The following CERK variants were observed in gnomAD, a reference collection of about 807,000 sequenced individuals.
The protein encoded by CERK is ceramide kinase, also known as acylsphingosine kinase.
CERK carries 39 observed loss-of-function variants against 63.4 expected under a neutral mutation model. That is an observed-to-expected ratio of 0.61 (90% CI 0.48 to 0.80). CERK has a LOEUF of 0.80. Ranked by LOEUF, CERK falls within the 30% of genes least tolerant of loss-of-function variation. CERK has a pLI of 0.00. For synonymous variants in CERK, 302 were observed against 280.0 expected (o/e 1.08, Z -0.78); for missense variants, 670 against 714.1 (o/e 0.94, Z 0.70).
chr22:46,702,896 C>A (rs1456855894), intron 6 of CERK, among the ~76,000 whole-genome samples: 1 of 152,208 alleles, frequency 6.6e-6, no homozygotes, highest in Non-Finnish European at 1.5e-5. Context: ...TCTCAACATT[C>A]CCCACACAAC....
chr22:46,732,951 G>A (rs1425555114), intron 1 of CERK, among the ~76,000 whole-genome samples: 2 of 152,056 alleles, frequency 1.3e-5, no homozygotes. Flanking sequence ...GCTCACGCCT[G>A]TAATCCCAGC....
chr22:46,698,787 G>C (rs1318618587), intron 8 of CERK, among the ~76,000 whole-genome samples: 2 of 151,958 alleles, frequency 1.3e-5, no homozygotes, highest in Non-Finnish European at 2.9e-5. Context: ...TGTAGTCCCA[G>C]CTACTCGGGA....
At chr22:46,692,075 C>T (rs934325526) in intron 10 of CERK, among the ~76,000 whole-genome samples, 8 of 152,318 alleles carry the variant, frequency 5.3e-5, no homozygotes, top group Admixed American at 2.6e-4. Context: ...GTGTCAGATC[C>T]GGCCCGCCGC....
At chr22:46,723,209 C>T (rs185061919) in intron 1 of CERK, among the ~76,000 whole-genome samples, 23 of 152,324 alleles carry the variant, frequency 1.5e-4, no homozygotes, top group Non-Finnish European at 2.8e-4. Context: ...AGTTTACACA[C>T]GTTCCTTTTA....
intron 4 of CERK, 48 bp from the exon 5 acceptor site, chr22:46,711,197 C>T (rs770765220): frequency 1.4e-5 from 20 of 1,407,788 alleles, no homozygotes; most frequent in Non-Finnish European, 1.8e-5. Context: ...ATCTGTGAGT[C>T]CTCACGTAAA....
intron 1 of CERK, among the ~76,000 whole-genome samples, chr22:46,731,091 G>A (rs979214580): frequency 3.4e-4 from 52 of 152,254 alleles, no homozygotes; most frequent in African/African-American, 1.2e-3. Context: ...GGGAGGCCAC[G>A]CAGGAAGCTG....
At chr22:46,727,629 T>C (rs1345755407) in intron 1 of CERK, among the ~76,000 whole-genome samples, 5 of 152,068 alleles carry the variant, frequency 3.3e-5, no homozygotes, top group Admixed American at 6.6e-5. Flanking sequence ...AAGTAAACAG[T>C]GTCCATTCCC....
intron 8 of CERK, among the ~76,000 whole-genome samples, chr22:46,695,756 C>T (rs995250199): frequency 1.3e-5 from 2 of 152,234 alleles, no homozygotes; most frequent in Non-Finnish European, 2.9e-5. Context: ...GCCCCTGTGA[C>T]GTCCTGAACA....
chr22:46,720,032 G>GGCAT, intron 3 of CERK, 54 bp downstream of exon 3: 1 of 1,590,364 alleles, frequency 6.3e-7, no homozygotes, highest in Non-Finnish European at 8.6e-7. Context: ...CACCCAATCA[G>GGCAT]GCATGCGCAT....
At chr22:46,697,677 G>A (rs1447030390) in intron 8 of CERK, among the ~76,000 whole-genome samples, 1 of 152,054 alleles carries the variant, frequency 6.6e-6, no homozygotes, top group African/African-American at 2.4e-5. Flanking sequence ...GACTTATTTT[G>A]TATTTTTAGT....
At chr22:46,716,853 T>G (rs1285689742) in intron 3 of CERK, among the ~76,000 whole-genome samples, 1 of 151,732 alleles carries the variant, frequency 6.6e-6, no homozygotes, top group East Asian at 1.9e-4. Context: ...GAGGATTGCT[T>G]GAACCCAGGA....
intron 1 of CERK, among the ~76,000 whole-genome samples, chr22:46,730,607 G>A (rs746648596): frequency 2.6e-5 from 4 of 152,236 alleles, no homozygotes; most frequent in Non-Finnish European, 4.4e-5. Flanking sequence ...AAAGAGCAGA[G>A]AGAAAGAAAT....
At chr22:46,692,480 T>C (rs1232349879) in intron 10 of CERK, among the ~76,000 whole-genome samples, 1 of 147,660 alleles carries the variant, frequency 6.8e-6, no homozygotes, top group Admixed American at 6.8e-5. Flanking sequence ...CAGGCGCCTG[T>C]AATCCCAGCT....
chr22:46,716,846 G>T (rs1237964263), intron 3 of CERK, among the ~76,000 whole-genome samples: 1 of 151,954 alleles, frequency 6.6e-6, no homozygotes, highest in Non-Finnish European at 1.5e-5. Flanking sequence ...GGAGGCTGAG[G>T]ATTGCTTGAA....
At chr22:46,702,215 ATATAT>A (rs796712030) in intron 6 of CERK, among the ~76,000 whole-genome samples, 19 of 69,724 alleles carry the variant, frequency 2.7e-4, no homozygotes, top group African/African-American at 8.9e-4. Context: ...AGTTAAAAAA[ATATAT>A]ATATGTGTGT....
chr22:46,710,602 T>TA (rs1323427768), intron 5 of CERK, among the ~76,000 whole-genome samples: 2 of 152,104 alleles, frequency 1.3e-5, no homozygotes, highest in African/African-American at 4.8e-5. Context: ...AATGCTATCC[T>TA]AAGAGCAAAA....
intron 3 of CERK, among the ~76,000 whole-genome samples, chr22:46,713,630 T>A (rs1422431160): frequency 6.7e-6 from 1 of 149,996 alleles, no homozygotes; most frequent in Non-Finnish European, 1.5e-5. Context: ...GAAGAAGAAA[T>A]CGAGACGCAG....
At chr22:46,702,681 AGGTCCCTGCTTC>A (rs2082793273) in intron 6 of CERK, among the ~76,000 whole-genome samples, 2 of 152,264 alleles carry the variant, frequency 1.3e-5, no homozygotes, top group Middle Eastern at 3.2e-3. Flanking sequence ...CAGGCAGCTC[AGGTCCCTGCTTC>A]AGCCCGATGT....
At chr22:46,732,105 G>A (rs886245114) in intron 1 of CERK, among the ~76,000 whole-genome samples, 2 of 152,286 alleles carry the variant, frequency 1.3e-5, no homozygotes, top group Admixed American at 1.3e-4. Context: ...TATGGGATCC[G>A]GACAGCCGAA....
Sources: allele counts gnomAD v4.1 joint callset (sites outside exome capture counted in the v4.1 genomes callset), GRCh38; gene constraint gnomAD v4.1.1; transcripts MANE v1.5; gene names NCBI Gene and HGNC (gene_info 2026-07-23, HGNC 2026-07-21).